The following NAV3 variants were observed in gnomAD, a reference collection of about 807,000 sequenced individuals.
NAV3 encodes the protein pore membrane and/or filament interacting like protein 1.
A neutral mutation model predicts 244.7 loss-of-function variants in NAV3; 87 were observed. The observed-to-expected ratio is 0.36, with a 90% CI of 0.30 to 0.42. NAV3 has a LOEUF of 0.42. Ranked by LOEUF, NAV3 falls within the 20% of genes least tolerant of loss-of-function variation. The pLI, the probability that NAV3 is intolerant of heterozygous loss-of-function variation, is 1.00. For synonymous variants in NAV3, 1,126 were observed against 1,042.2 expected (o/e 1.08, Z -1.55); for missense variants, 2,663 against 2,893.3 (o/e 0.92, Z 1.83).
At chr12:77,874,368 A>G (rs1245748609) in intron 1 of NAV3, among the ~76,000 whole-genome samples, 5 of 151,854 alleles carry the variant, frequency 3.3e-5, no homozygotes, top group Non-Finnish European at 7.4e-5. Flanking sequence ...ATAGGCACAC[A>G]CCACCATCCT....
intron 17 of NAV3, 42 bp downstream of exon 17, chr12:78,127,250 ATGTAAACTT>A: frequency 1.9e-6 from 3 of 1,581,998 alleles, no homozygotes; most frequent in Non-Finnish European, 2.6e-6. Flanking sequence ...CTCTGTTGTT[ATGTAAACTT>A]TGTGTGCTGT....
chr12:78,065,112 C>G (rs561585008), intron 12 of NAV3, among the ~76,000 whole-genome samples: 93 of 152,156 alleles, frequency 6.1e-4, no homozygotes, highest in African/African-American at 2.2e-3. Context: ...GGTCCTGTAA[C>G]TGTCCTAGTT....
chr12:77,892,763 T>C (rs1415078313), intron 1 of NAV3, among the ~76,000 whole-genome samples: 1 of 152,190 alleles, frequency 6.6e-6, no homozygotes, highest in Non-Finnish European at 1.5e-5. Flanking sequence ...GCTGTAGATT[T>C]TGAGAAAATT....
intron 5 of NAV3, among the ~76,000 whole-genome samples, chr12:77,992,992 G>C (rs899198954): frequency 9.2e-5 from 14 of 152,210 alleles, no homozygotes; most frequent in African/African-American, 3.1e-4. Context: ...AGGGATTACA[G>C]TGAGAGGGTT....
At chr12:77,956,748 ATTTAT>A (rs1303612926) in intron 3 of NAV3, among the ~76,000 whole-genome samples, 2 of 151,032 alleles carry the variant, frequency 1.3e-5, no homozygotes, top group African/African-American at 4.9e-5. Context: ...TTATTTATTT[ATTTAT>A]TTATTTGAGA....
At chr12:78,202,356 T>A (rs1044313299) in intron 38 of NAV3, among the ~76,000 whole-genome samples, 13 of 152,074 alleles carry the variant, frequency 8.5e-5, no homozygotes, top group Admixed American at 8.5e-4. Flanking sequence ...TAAATAAAAT[T>A]CTCCTCATTT....
intron 11 of NAV3, among the ~76,000 whole-genome samples, chr12:78,053,937 A>G (rs1480723365): frequency 6.6e-6 from 1 of 152,200 alleles, no homozygotes; most frequent in Non-Finnish European, 1.5e-5. Context: ...ATGATTGACA[A>G]TATATACTCA....
chr12:77,943,714 T>G (rs778879986), intron 3 of NAV3, among the ~76,000 whole-genome samples: 13 of 152,198 alleles, frequency 8.5e-5, no homozygotes, highest in Admixed American at 5.2e-4. Context: ...TAAGAGTGAG[T>G]GGTATACTTG....
At chr12:77,844,012 C>T (rs1399951772) in intron 1 of NAV3, among the ~76,000 whole-genome samples, 5 of 152,162 alleles carry the variant, frequency 3.3e-5, no homozygotes, top group Non-Finnish European at 7.4e-5. Context: ...GGGTCGTCCA[C>T]ACATTTGGAT....
At chr12:77,996,479 T>G (rs1872364071) in intron 6 of NAV3, among the ~76,000 whole-genome samples, 1 of 152,232 alleles carries the variant, frequency 6.6e-6, no homozygotes, top group Non-Finnish European at 1.5e-5. Flanking sequence ...CCATATATAT[T>G]TAAACATTAA....
At position 77,712,183 on chromosome 12, in the gene NAV3, C is replaced by T. The variant is rs74106516; in HGVS notation, c.72+139917C>T. Among the ~76,000 whole-genome samples the T allele has an allele frequency of 1.2e-3, 182 of 152,040 alleles. 1 individual carries two copies. Among genetic ancestry groups the T allele is most frequent in the African/African-American group, 3.5e-3 (145 of 41,464 alleles). On this transcript the variant is annotated intron_variant, in intron 2 of 8. Coordinates refer to the NAV3 transcript ENST00000550042. ...TTAAGCCACAATCTCCCTTTCAGAGCGAAAGGGTTATATTTTTGTGAACAT... is the reference window on the plus strand; with the variant it reads ...TTAAGCCACAATCTCCCTTTCAGAGTGAAAGGGTTATATTTTTGTGAACAT...
At chr12:77,590,116 A>G (rs754312574) in intron 2 of NAV3, among the ~76,000 whole-genome samples, 2 of 152,210 alleles carry the variant, frequency 1.3e-5, no homozygotes, top group Admixed American at 1.3e-4. Flanking sequence ...TTGTCTATGT[A>G]TAGATTAGAG....
chr12:78,204,655 A>G (rs933075577), intron 38 of NAV3, among the ~76,000 whole-genome samples: 1 of 151,986 alleles, frequency 6.6e-6, no homozygotes, highest in Admixed American at 6.6e-5. Flanking sequence ...GTGGGCAGTC[A>G]TTTCTATGTT....
chr12:77,732,508 A>T (rs138165556), intron 2 of NAV3, among the ~76,000 whole-genome samples: 1 of 152,128 alleles, frequency 6.6e-6, no homozygotes, highest in East Asian at 1.9e-4. Context: ...AGAATTAAGT[A>T]CTTCCTATAG....
At chr12:77,653,884 C>T (rs1266154276) in intron 2 of NAV3, among the ~76,000 whole-genome samples, 1 of 151,670 alleles carries the variant, frequency 6.6e-6, no homozygotes, top group Non-Finnish European at 1.5e-5. Flanking sequence ...ATATGTGGGA[C>T]AAGTAATGAA....
intron 12 of NAV3, among the ~76,000 whole-genome samples, chr12:78,093,013 T>A (rs1954046593): frequency 6.6e-6 from 1 of 152,224 alleles, no homozygotes; most frequent in Admixed American, 6.5e-5. Context: ...CTTCTTGCAA[T>A]AATTTTCATT....
chr12:78,037,421 A>G (rs1413211360), intron 9 of NAV3: 1 of 659,014 alleles, frequency 1.5e-6, no homozygotes, highest in African/African-American at 1.8e-5. Context: ...CGTGTATGGG[A>G]TCTTAAGAAA....
chr12:77,827,378 C>T (rs115580285), upstream of NAV3, among the ~76,000 whole-genome samples: 1,817 of 150,478 alleles, frequency 0.012, 34 homozygotes, highest in African/African-American at 0.042. Flanking sequence ...CTTACTCTTT[C>T]TTAAAAATCG....
intron 1 of NAV3, among the ~76,000 whole-genome samples, chr12:77,938,847 G>T (rs939337679): frequency 6.6e-6 from 1 of 151,456 alleles, no homozygotes; most frequent in African/African-American, 2.4e-5. Flanking sequence ...TCTTAGAAAA[G>T]CTGTTAAAAT....
Sources: allele counts gnomAD v4.1 joint callset (sites outside exome capture counted in the v4.1 genomes callset), GRCh38; gene constraint gnomAD v4.1.1; transcripts MANE v1.5; gene names NCBI Gene and HGNC (gene_info 2026-07-23, HGNC 2026-07-21).